PPP2R5C: variants seen among roughly 807,000 people sequenced by gnomAD.
The protein encoded by PPP2R5C is protein phosphatase 2 regulatory subunit B'gamma, also known as serine/threonine-protein phosphatase 2A 56 kDa regulatory subunit gamma isoform.
PPP2R5C carries 7 observed loss-of-function variants against 68.9 expected under a neutral mutation model. The observed-to-expected ratio is 0.10, with a 90% confidence interval of 0.06 to 0.19. The LOEUF (loss-of-function observed/expected upper bound fraction) is 0.19, where lower values mean the gene tolerates loss of function less well. PPP2R5C is among the 10% of genes least tolerant of loss of function. The probability of loss-of-function intolerance (pLI) is 1.00; values close to 1 mark genes in which losing one functional copy is unlikely to be tolerated. For missense variants in PPP2R5C, 348 were observed against 641.3 expected (o/e 0.54, Z 4.94); for synonymous variants, 210 against 222.2 (o/e 0.95, Z 0.49).
chr14:101,853,890 C>G, intron 1 of PPP2R5C, among the ~76,000 whole-genome samples: 1 of 152,260 alleles, frequency 6.6e-6, no homozygotes, highest in Non-Finnish European at 1.5e-5. Flanking sequence ...GGTGGACTCT[C>G]AGTTCTCTGT....
At chr14:101,793,681 A>G (rs1300891213) in intron 3 of PPP2R5C, among the ~76,000 whole-genome samples, 1 of 152,212 alleles carries the variant, frequency 6.6e-6, no homozygotes, top group Non-Finnish European at 1.5e-5. Context: ...TTAACAGCTC[A>G]GTGGAGGGTC....
At chr14:101,784,586 G>T (rs944411475) in intron 2 of PPP2R5C, among the ~76,000 whole-genome samples, 1 of 152,052 alleles carries the variant, frequency 6.6e-6, no homozygotes, top group Non-Finnish European at 1.5e-5. Context: ...AGAACAGCAG[G>T]GGGGAAACTG....
At chr14:101,867,418 A>T (rs555900517) in intron 2 of PPP2R5C, among the ~76,000 whole-genome samples, 37 of 152,096 alleles carry the variant, frequency 2.4e-4, no homozygotes, top group African/African-American at 8.9e-4. Context: ...CAAAAAAAAA[A>T]ATTAATAATT....
chr14:101,900,106 C>T (rs2141018311), intron 8 of PPP2R5C, among the ~76,000 whole-genome samples: 1 of 152,190 alleles, frequency 6.6e-6, no homozygotes, highest in South Asian at 2.1e-4. Flanking sequence ...AGGTCGGTCT[C>T]GAACTCCTGG....
exon 14 of PPP2R5C, chr14:101,925,432 T>G (rs750026655): frequency 1.5e-6 from 2 of 1,290,330 alleles, no homozygotes; most frequent in Non-Finnish European, 2.0e-6. Context: ...AGATTAGGAG[T>G]TCAAACAATG....
exon 7 of PPP2R5C, chr14:101,893,024 A>G (rs999683273): frequency 6.2e-7 from 1 of 1,606,718 alleles, no homozygotes; most frequent in East Asian, 2.2e-5. Flanking sequence ...TTGCCTTACC[A>G]CTAAAAGAAG....
At chr14:101,827,524 G>T (rs900243207) in intron 1 of PPP2R5C, among the ~76,000 whole-genome samples, 2 of 152,156 alleles carry the variant, frequency 1.3e-5, no homozygotes, top group African/African-American at 4.8e-5. Context: ...CTGATCTGCT[G>T]CCATCTGCAC....
At chr14:101,853,659 A>G (rs1566908438) in intron 1 of PPP2R5C, among the ~76,000 whole-genome samples, 2 of 152,158 alleles carry the variant, frequency 1.3e-5, no homozygotes, top group East Asian at 3.9e-4. Flanking sequence ...GTTCCCTGAA[A>G]AGGGTACATT....
chr14:101,866,817 G>A (rs2043097384), intron 2 of PPP2R5C, among the ~76,000 whole-genome samples: 1 of 152,240 alleles, frequency 6.6e-6, no homozygotes, highest in South Asian at 2.1e-4. Context: ...AGGCACAGTG[G>A]CTCATGCCTA....
At position 101,906,122 on chromosome 14, in the gene PPP2R5C, C is replaced by T. The variant is rs1358509417; in HGVS notation, c.1024-280C>T. 6.6e-6 allele frequency among the ~76,000 whole-genome samples: 1 copy of T among 152,134 alleles called. No homozygotes were observed. Among genetic ancestry groups the T allele is most frequent in the Admixed American group, 6.6e-5 (1 of 15,266 alleles). ...TGGAATGGCCTCCTTTGAGTTGTCT[C>T]CTCAGCATCTAGCCAGCATCTAGCA... is the stretch of plus-strand genomic sequence containing the variant. On this transcript the variant is annotated intron_variant, in intron 9 of 13. Coordinates refer to ENST00000334743, the Ensembl canonical transcript of PPP2R5C. The surrounding 1 kb of genome is among the most constrained non-coding windows in gnomAD (Gnocchi z 4.0).
chr14:101,845,027 A>G (rs2041739600), intron 1 of PPP2R5C, among the ~76,000 whole-genome samples: 1 of 152,194 alleles, frequency 6.6e-6, no homozygotes, highest in Non-Finnish European at 1.5e-5. Flanking sequence ...AAGGCTTTCT[A>G]GAACTAGAGT....
At chr14:101,833,297 A>C (rs1348641280) in intron 1 of PPP2R5C, 1 of 152,302 alleles carries the variant, frequency 6.6e-6, no homozygotes, top group Admixed American at 6.5e-5. Context: ...TCAGGGTTTT[A>C]ATTCGAGGTG....
chr14:101,850,869 T>C (rs1460302735), intron 1 of PPP2R5C, among the ~76,000 whole-genome samples: 2 of 152,238 alleles, frequency 1.3e-5, no homozygotes, highest in Non-Finnish European at 2.9e-5. Context: ...CTGCTAAGTT[T>C]CCTCATCTGG....
At chr14:101,919,500 G>A (rs1247705970) in intron 13 of PPP2R5C, among the ~76,000 whole-genome samples, 1 of 152,012 alleles carries the variant, frequency 6.6e-6, no homozygotes, top group Non-Finnish European at 1.5e-5. Context: ...ATTTAAGGTT[G>A]CCTTTTTATA....
chr14:101,910,647 A>C (rs1282799498), intron 11 of PPP2R5C, among the ~76,000 whole-genome samples: 1 of 152,074 alleles, frequency 6.6e-6, no homozygotes, highest in African/African-American at 2.4e-5. Flanking sequence ...GCTGGCTAAC[A>C]CGGTGAAACC....
At chr14:101,776,828 G>A (rs563672312) in intron 2 of PPP2R5C, among the ~76,000 whole-genome samples, 32 of 151,470 alleles carry the variant, frequency 2.1e-4, no homozygotes, top group African/African-American at 6.5e-4. Flanking sequence ...CCTTTACTTC[G>A]CAGAATGCTT....
chr14:101,883,109 A>T, intron 3 of PPP2R5C, 148 bp from the exon 6 acceptor site: 1 of 606,036 alleles, frequency 1.7e-6, no homozygotes, highest in Non-Finnish European at 2.8e-6. Flanking sequence ...TCATTGAATT[A>T]AGCCATGTAA....
chr14:101,849,091 T>C (rs1294702852), intron 1 of PPP2R5C, among the ~76,000 whole-genome samples: 2 of 152,258 alleles, frequency 1.3e-5, no homozygotes, highest in Admixed American at 6.5e-5. Context: ...TATAGCTGTA[T>C]TTCATTCATC....
chr14:101,800,604 T>A (rs1054108915), intron 3 of PPP2R5C, among the ~76,000 whole-genome samples: 1 of 150,526 alleles, frequency 6.6e-6, no homozygotes. Context: ...AATAAAATTG[T>A]CACTTTTAAT....
Sources: gnomAD v4.1 joint callset for allele counts (sites outside exome capture counted in the v4.1 genomes callset) on GRCh38, gnomAD v4.1.1 for gene constraint, Gnocchi (gnomAD v3.1) non-coding constraint, MANE v1.5 for transcripts, NCBI Gene and HGNC (gene_info 2026-07-23, HGNC 2026-07-21) for gene names.